RPH3A: variants seen among roughly 807,000 people sequenced by gnomAD.
RPH3A encodes the protein rabphilin-3A.
RPH3A carries 48 observed loss-of-function variants against 102.2 expected under a neutral mutation model. That is an observed-to-expected ratio of 0.47 (90% CI 0.37 to 0.60). The LOEUF (loss-of-function observed/expected upper bound fraction) is 0.60, where lower values mean the gene tolerates loss of function less well. Ranked by LOEUF, RPH3A falls within the 20% of genes least tolerant of loss-of-function variation. The pLI is 0.00. For missense variants in RPH3A, 781 were observed against 910.1 expected (o/e 0.86, Z 1.83); for synonymous variants, 310 against 324.3 (o/e 0.96, Z 0.47).
chr12:112,724,728 G>C (rs2040574932), intron 1 of RPH3A, among the ~76,000 whole-genome samples: 1 of 152,184 alleles, frequency 6.6e-6, no homozygotes, highest in Admixed American at 6.5e-5. Flanking sequence ...TAGCACTTTG[G>C]GAGGCTGAGC....
chr12:112,640,414 C>T (rs940255990), intron 1 of RPH3A, among the ~76,000 whole-genome samples: 9 of 138,992 alleles, frequency 6.5e-5, no homozygotes, highest in Non-Finnish European at 1.2e-4. Flanking sequence ...CTGTACTACA[C>T]AGTCTCTAAT....
At chr12:112,717,810 C>T (rs937015850) in intron 1 of RPH3A, among the ~76,000 whole-genome samples, 2 of 151,774 alleles carry the variant, frequency 1.3e-5, no homozygotes, top group African/African-American at 4.8e-5. Context: ...CACAAATTGC[C>T]AAACTGTTTT....
At chr12:112,678,409 T>C (rs2040203220) in intron 1 of RPH3A, among the ~76,000 whole-genome samples, 2 of 150,498 alleles carry the variant, frequency 1.3e-5, no homozygotes, top group Non-Finnish European at 3.0e-5. Flanking sequence ...ACAAGGGCAG[T>C]TATGAGGACA....
chr12:112,891,414 G>T (rs114097616), intron 19 of RPH3A, among the ~76,000 whole-genome samples: 1 of 152,160 alleles, frequency 6.6e-6, no homozygotes, highest in South Asian at 2.1e-4. Context: ...CATGCCTTCA[G>T]TCTGGGGTCT....
chr12:112,780,970 A>G (rs1433669804), intron 1 of RPH3A, among the ~76,000 whole-genome samples: 1 of 152,130 alleles, frequency 6.6e-6, no homozygotes, highest in African/African-American at 2.4e-5. Context: ...CCTGGCCAAC[A>G]TGGTGAAACC....
At chr12:112,713,102 T>TCTTCTTCTTC (rs575141531) in intron 1 of RPH3A, among the ~76,000 whole-genome samples, 10 of 135,662 alleles carry the variant, frequency 7.4e-5, no homozygotes, top group East Asian at 2.3e-4. Flanking sequence ...TTCTTCTTCT[T>TCTTCTTCTTC]TTATTTTTTT....
intron 2 of RPH3A, among the ~76,000 whole-genome samples, chr12:112,794,023 T>G (rs2041178623): frequency 6.6e-6 from 1 of 152,242 alleles, no homozygotes; most frequent in Non-Finnish European, 1.5e-5. Flanking sequence ...GGTGTCCAGA[T>G]GTGGACACTT....
intron 1 of RPH3A, among the ~76,000 whole-genome samples, chr12:112,627,452 TATC>T (rs1431127341): frequency 6.6e-6 from 1 of 150,382 alleles, no homozygotes; most frequent in East Asian, 1.9e-4. Flanking sequence ...TATGATTACA[TATC>T]ATATAATATG....
chr12:112,582,688 T>C (rs2039408949), intron 1 of RPH3A, among the ~76,000 whole-genome samples: 1 of 149,944 alleles, frequency 6.7e-6, no homozygotes, highest in Non-Finnish European at 1.5e-5. Context: ...TCTTGAACTC[T>C]TGGGCTGAAG....
chr12:112,850,061 A>G (rs1272029507), intron 5 of RPH3A, among the ~76,000 whole-genome samples: 2 of 152,180 alleles, frequency 1.3e-5, no homozygotes, highest in South Asian at 2.1e-4. Context: ...CAACCTGGTG[A>G]CATGGTGGCA....
At chr12:112,703,105 G>A (rs1208891620) in intron 1 of RPH3A, among the ~76,000 whole-genome samples, 2 of 152,216 alleles carry the variant, frequency 1.3e-5, no homozygotes, top group Non-Finnish European at 2.9e-5. Flanking sequence ...TTTTCAAGAG[G>A]ACTTGTGTGT....
intron 1 of RPH3A, among the ~76,000 whole-genome samples, chr12:112,659,801 G>A (rs891647854): frequency 6.6e-6 from 1 of 152,150 alleles, no homozygotes; most frequent in African/African-American, 2.4e-5. Context: ...TGGCCAGTAG[G>A]AGCTCTTTCA....
At chr12:112,702,681 C>G (rs2040402522) in intron 1 of RPH3A, among the ~76,000 whole-genome samples, 1 of 152,238 alleles carries the variant, frequency 6.6e-6, no homozygotes, top group Admixed American at 6.5e-5. Context: ...GACCAAGGGT[C>G]TGGGCCCCAC....
At chr12:112,812,757 T>C (rs1055246063) in intron 2 of RPH3A, among the ~76,000 whole-genome samples, 1 of 152,108 alleles carries the variant, frequency 6.6e-6, no homozygotes, top group Non-Finnish European at 1.5e-5. Context: ...TCACTAAAAC[T>C]GGGGAGAGGA....
chr12:112,577,959 T>C (rs1279107745), intron 1 of RPH3A, among the ~76,000 whole-genome samples: 2 of 152,182 alleles, frequency 1.3e-5, no homozygotes, highest in Admixed American at 1.3e-4. Context: ...CAAATGTAAT[T>C]AACTCAAGTA....
At chr12:112,715,313 C>T (rs2040505839) in intron 1 of RPH3A, among the ~76,000 whole-genome samples, 1 of 152,110 alleles carries the variant, frequency 6.6e-6, no homozygotes, top group African/African-American at 2.4e-5. Flanking sequence ...CCATATAACC[C>T]CCAGACCTTC....
At chr12:112,743,072 T>C (rs1210899428) in intron 1 of RPH3A, among the ~76,000 whole-genome samples, 1 of 152,222 alleles carries the variant, frequency 6.6e-6, no homozygotes, top group East Asian at 1.9e-4. Flanking sequence ...GCCTCTGTCT[T>C]ATTCAGACAC....
At chr12:112,845,289 TG>T (rs909166601) in intron 4 of RPH3A, among the ~76,000 whole-genome samples, 18 of 152,278 alleles carry the variant, frequency 1.2e-4, no homozygotes, top group African/African-American at 4.1e-4. Flanking sequence ...CCATTCCCTT[TG>T]CCAGACTCAA....
At chr12:112,683,622 T>C (rs1047538575) in intron 1 of RPH3A, among the ~76,000 whole-genome samples, 5 of 152,198 alleles carry the variant, frequency 3.3e-5, no homozygotes, top group African/African-American at 1.2e-4. Context: ...TCCATCCTCT[T>C]GGGTACCCTC....
Sources: gnomAD v4.1 joint callset for allele counts (sites outside exome capture counted in the v4.1 genomes callset) on GRCh38, gnomAD v4.1.1 for gene constraint, MANE v1.5 for transcripts, NCBI Gene and HGNC (gene_info 2026-07-23, HGNC 2026-07-21) for gene names.